Variants in NFKB1 observed in about 807,000 individuals in gnomAD.
NFKB1 encodes nuclear factor NF-kappa-B p105 subunit.
A neutral mutation model predicts 105.1 loss-of-function variants in NFKB1; 9 were observed. The ratio of observed to expected loss-of-function variants is 0.09; its 90% confidence interval spans 0.05 to 0.15. The LOEUF (loss-of-function observed/expected upper bound fraction) is 0.15. Among genes scored for constraint, NFKB1 ranks in the 10% least tolerant of loss-of-function variants. The probability of loss-of-function intolerance (pLI) is 1.00; values close to 1 mark genes in which losing one functional copy is unlikely to be tolerated. For missense variants in NFKB1, 830 were observed against 1,203.7 expected (o/e 0.69, Z 4.59); for synonymous variants, 440 against 442.2 (o/e 1.00, Z 0.06).
chr4:102,574,949 C>T (rs2149179174), intron 6 of NFKB1, among the ~76,000 whole-genome samples: 1 of 152,290 alleles, frequency 6.6e-6, no homozygotes, highest in African/African-American at 2.4e-5. Flanking sequence ...AGATGCTACA[C>T]AGATGTTTAT....
chr4:102,591,258 G>C (rs912920828), intron 11 of NFKB1, among the ~76,000 whole-genome samples: 2 of 152,042 alleles, frequency 1.3e-5, no homozygotes, highest in Admixed American at 1.3e-4. Flanking sequence ...TTCATAACTA[G>C]AGAGAAGATG....
intron 10 of NFKB1, among the ~76,000 whole-genome samples, chr4:102,584,303 C>A (rs1485441923): frequency 6.6e-6 from 1 of 152,092 alleles, no homozygotes; most frequent in East Asian, 1.9e-4. Context: ...TCTTTCCATA[C>A]CCAGTCTTTC....
intron 5 of NFKB1, among the ~76,000 whole-genome samples, chr4:102,540,199 A>G (rs903155116): frequency 1.3e-5 from 2 of 152,150 alleles, no homozygotes; most frequent in African/African-American, 4.8e-5. Context: ...GTTTACTTCT[A>G]TTGCTCTAGT....
chr4:102,510,868 G>A (rs1303872524), intron 1 of NFKB1: 1 of 1,189,948 alleles, frequency 8.4e-7, no homozygotes, highest in Admixed American at 2.7e-5. Context: ...ATCCTCCTCT[G>A]TTCCTTCCTA....
intron 6 of NFKB1, among the ~76,000 whole-genome samples, chr4:102,569,128 CATTT>C (rs1295751790): frequency 2.0e-5 from 3 of 152,022 alleles, no homozygotes; most frequent in African/African-American, 7.2e-5. Context: ...TTTCATAATT[CATTT>C]GTTTCTATCT....
At chr4:102,582,800 T>C (rs1725417111) in intron 9 of NFKB1, 66 bp from the exon 10 acceptor site, 1 of 1,048,184 alleles carries the variant, frequency 9.5e-7, no homozygotes, top group African/African-American at 1.6e-5. Context: ...AGTTTTATTT[T>C]TCAGCATGTT....
chr4:102,614,236 C>T (rs1728722201), intron 23 of NFKB1, among the ~76,000 whole-genome samples: 1 of 152,174 alleles, frequency 6.6e-6, no homozygotes, highest in Non-Finnish European at 1.5e-5. Context: ...CATTGGCAGC[C>T]TTCCATCCGG....
chr4:102,540,743 A>G (rs568670104), intron 5 of NFKB1, among the ~76,000 whole-genome samples: 10 of 152,240 alleles, frequency 6.6e-5, no homozygotes, highest in Middle Eastern at 3.4e-3. Context: ...TCTTAATTGG[A>G]AGGATGGGTA....
intron 1 of NFKB1, among the ~76,000 whole-genome samples, chr4:102,515,126 T>TTTTG (rs1740069193): frequency 7.1e-6 from 1 of 141,396 alleles, no homozygotes; most frequent in Non-Finnish European, 1.5e-5. Flanking sequence ...TTTTTTTTTT[T>TTTTG]TTGAGACGGA....
intron 5 of NFKB1, among the ~76,000 whole-genome samples, chr4:102,544,645 T>C: frequency 6.6e-6 from 1 of 152,190 alleles, no homozygotes; most frequent in Non-Finnish European, 1.5e-5. Context: ...TTCAGAAGTT[T>C]TGTATTTTGT....
intron 7 of NFKB1, chr4:102,577,695 A>T: frequency 3.1e-6 from 1 of 318,760 alleles, no homozygotes; most frequent in Non-Finnish European, 4.5e-6. Context: ...GTTTTCCACT[A>T]AATATACTCC....
At chr4:102,601,229 T>A (rs1355069443) in intron 16 of NFKB1, among the ~76,000 whole-genome samples, 1 of 152,220 alleles carries the variant, frequency 6.6e-6, no homozygotes, top group African/African-American at 2.4e-5. Context: ...ACAATGAAAT[T>A]CAGCATCCCG....
At position 102,596,295 on chromosome 4, in the gene NFKB1, T is replaced by C; in HGVS notation, c.1458T>C (p.Tyr486=). ...GGAATGGTGAGGTCACTCTAACGTATGCAACAGGAACAAAAGAAGAGAGTG... is the reference window on the plus strand; with the variant it reads ...GGAATGGTGAGGTCACTCTAACGTACGCAACAGGAACAAAAGAAGAGAGTG... ...TVGNGEVTLT[Y]ATGTKEESAG... Residue 486 remains tyrosine, a synonymous_variant, in exon 14 of 24, where the codon TAT becomes TAC. Coordinates refer to ENST00000226574, the MANE Select transcript of NFKB1 (RefSeq NM_003998.4). The C allele has an allele frequency of 6.2e-7, 1 of 1,612,002 alleles. No individual in the cohort carries two copies. Among genetic ancestry groups the C allele is most frequent in the Non-Finnish European group, 8.5e-7 (1 of 1,178,650 alleles).
intron 3 of NFKB1, among the ~76,000 whole-genome samples, chr4:102,532,172 G>A (rs947652074): frequency 2.0e-5 from 3 of 152,014 alleles, no homozygotes; most frequent in Non-Finnish European, 2.9e-5. Flanking sequence ...ACATTGACCA[G>A]TGACTCCCCC....
At chr4:102,604,611 T>C (rs1312950135) in intron 16 of NFKB1, among the ~76,000 whole-genome samples, 4 of 151,856 alleles carry the variant, frequency 2.6e-5, no homozygotes, top group Non-Finnish European at 5.9e-5. Flanking sequence ...GTTCTACATA[T>C]AGCTAGTTTG....
chr4:102,516,995 C>T (rs1428757272), intron 1 of NFKB1, among the ~76,000 whole-genome samples: 1 of 152,180 alleles, frequency 6.6e-6, no homozygotes, highest in Non-Finnish European at 1.5e-5. Flanking sequence ...TCTCTCAGCA[C>T]TATATGATGT....
intron 22 of NFKB1, among the ~76,000 whole-genome samples, chr4:102,612,916 G>A (rs1043794853): frequency 6.6e-6 from 1 of 152,080 alleles, no homozygotes; most frequent in South Asian, 2.1e-4. Context: ...TCAACGTGTA[G>A]CTTCCTGTCC....
At chr4:102,587,871 AGGCC>A (rs1419248250) in intron 11 of NFKB1, among the ~76,000 whole-genome samples, 1 of 152,162 alleles carries the variant, frequency 6.6e-6, no homozygotes, top group African/African-American at 2.4e-5. Context: ...GAAAAGTAGT[AGGCC>A]ATTTAGCATT....
chr4:102,612,736 G>C (rs1728543659), intron 22 of NFKB1, 130 bp downstream of exon 22: 5 of 874,764 alleles, frequency 5.7e-6, no homozygotes, highest in Non-Finnish European at 8.5e-6. Flanking sequence ...CCAAGGCCTG[G>C]GAGGGTGACC....
Sources: gnomAD v4.1 joint callset for allele counts (sites outside exome capture counted in the v4.1 genomes callset) on GRCh38, gnomAD v4.1.1 for gene constraint, MANE v1.5 for transcripts, NCBI Gene and HGNC (gene_info 2026-07-23, HGNC 2026-07-21) for gene names.